TRIM67: variants seen among roughly 807,000 people sequenced by gnomAD.
The protein encoded by TRIM67 is tripartite motif containing 67, also known as tripartite motif-containing protein 67.
TRIM67 carries 39 observed loss-of-function variants against 71.0 expected under a neutral mutation model. The observed-to-expected ratio is 0.55, with a 90% CI of 0.43 to 0.72. The LOEUF (loss-of-function observed/expected upper bound fraction) is 0.72. Among genes scored for constraint, TRIM67 ranks in the 30% least tolerant of loss-of-function variants. The pLI is 0.00. For missense variants in TRIM67, 973 were observed against 1,079.2 expected, an observed-to-expected ratio of 0.90 and a Z score of 1.38; for synonymous variants, 481 against 473.9, an observed-to-expected ratio of 1.01 and a Z score of -0.19.
intron 1 of TRIM67, among the ~76,000 whole-genome samples, chr1:231,175,594 A>G (rs1488343027): frequency 6.6e-6 from 1 of 152,214 alleles, no homozygotes; most frequent in Non-Finnish European, 1.5e-5. Flanking sequence ...ATTACAGGAG[A>G]GGAGCCTTGA....
intron 1 of TRIM67, among the ~76,000 whole-genome samples, chr1:231,195,887 T>G (rs926184144): frequency 6.6e-6 from 1 of 152,196 alleles, no homozygotes. Flanking sequence ...AATCGCCCAG[T>G]GATGCTGATG....
Position 231,215,492 on chromosome 1 carries a change from C to A in TRIM67, c.*52C>A. The A allele has an allele frequency of 1.3e-6, 2 of 1,529,192 alleles. No individual in the cohort carries two copies. Among genetic ancestry groups the A allele is most frequent in the Non-Finnish European group, 8.8e-7 (1 of 1,130,252 alleles). The allele number at this position is 1,529,192 out of a possible 1,614,324, so 94.7% of individuals were successfully genotyped here. A position where few individuals can be genotyped will look rare whatever the true frequency, so the allele number is the denominator to read the frequency against. Reference sequence around the variant, plus strand: ...GTGACAGTGACATTCACAGGCAAAACGCCCACCATTCTCACTAAGCTCAAA... The same window carrying A: ...GTGACAGTGACATTCACAGGCAAAAAGCCCACCATTCTCACTAAGCTCAAA... On this transcript the variant is annotated 3_prime_UTR_variant, in exon 10 of 10. Coordinates refer to ENST00000366653, the MANE Select transcript of TRIM67 (RefSeq NM_001004342.5).
Position 231,220,697 on chromosome 1 carries a change from G to C in TRIM67, c.*5257G>C, listed in dbSNP as rs371360053. ...CCAGCACGAGCTATGCAGGTTGGGG[G>C]AGGCCCTGGCTTTTTCAATGATTGA... On this transcript the variant is annotated 3_prime_UTR_variant, in exon 10 of 10. Transcript: ENST00000366653. 2 of 152,434 alleles carry C rather than the reference G, an allele frequency of 1.3e-5. No individual in the cohort carries two copies. Among genetic ancestry groups the C allele is most frequent in the East Asian group, 1.9e-4 (1 of 5,182 alleles). The allele number at this position is 152,434 out of a possible 1,614,324, so 9.4% of individuals were successfully genotyped here.
rs1484869547 is a variant in TRIM67 at position 231,163,612 on chromosome 1, C to A, written c.643C>A (p.Pro215Thr). The A allele has an allele frequency of 5.3e-6, 8 of 1,518,230 alleles. No individual in the cohort carries two copies. Among genetic ancestry groups the A allele is most frequent in the Non-Finnish European group, 7.0e-6 (8 of 1,136,886 alleles). The allele number at this position is 1,518,230 out of a possible 1,614,324, so 94.0% of individuals were successfully genotyped here. ...VAICQLCDRT[P>T]PEPAATLCEQ... is the part of the protein sequence containing the mutation. ...CATCTGCCAGCTGTGCGACCGCACC[C>A]CGCCAGAGCCAGCAGCCACGCTCTG... The change falls in exon 1 of 10, where the codon CCG becomes ACG. Residue 215 changes from proline to threonine, a missense_variant. Transcript: ENST00000366653.
At chr1:231,192,859 C>T (rs1003597950) in intron 1 of TRIM67, among the ~76,000 whole-genome samples, 19 of 152,216 alleles carry the variant, frequency 1.2e-4, no homozygotes, top group South Asian at 4.1e-4. Context: ...AAGCAGTGTC[C>T]GCTGAACCGT....
chr1:231,186,267 G>A (rs977612933), intron 1 of TRIM67: 7 of 1,070,634 alleles, frequency 6.5e-6, no homozygotes, highest in Non-Finnish European at 9.6e-6. Context: ...CTTCCTGAAG[G>A]AGGAGCACAT....
At chr1:231,206,610 A>T in intron 6 of TRIM67, 42 bp from the exon 7 acceptor site, 2 of 1,502,760 alleles carry the variant, frequency 1.3e-6, no homozygotes, top group Non-Finnish European at 1.8e-6. Context: ...GGAGCTTTCC[A>T]AATGCTAGAG....
rs1194602167 is a variant in TRIM67 at position 231,216,823 on chromosome 1, G to A, written c.*1383G>A. The A allele has an allele frequency of 1.0e-6, 1 of 985,434 alleles. No homozygotes were observed. The highest frequency in any genetic ancestry group is 1.7e-5 in the African/African-American group (1 of 57,254). The allele number at this position is 985,434 out of a possible 1,614,324, so 61.0% of individuals were successfully genotyped here. ...CATGGCAGGGGTTTTGAGCCTGCCA[G>A]GCTCTTGTTCCCAGGGAACCCTTCC... On this transcript the variant is annotated 3_prime_UTR_variant, in exon 10 of 10. Transcript: ENST00000366653.
intron 1 of TRIM67, chr1:231,187,521 G>T (rs540512601): frequency 1.3e-6 from 2 of 1,531,112 alleles, no homozygotes; most frequent in Non-Finnish European, 1.7e-6. Flanking sequence ...CAATACCTTA[G>T]CACTGAGGGG....
Position 231,219,849 on chromosome 1 carries a change from C to T in TRIM67, c.*4409C>T. On this transcript the variant is annotated 3_prime_UTR_variant, in exon 10 of 10. Coordinates refer to ENST00000366653, the MANE Select transcript of TRIM67 (RefSeq NM_001004342.5). ...CCTCCCAGAAGATCAAAGGATCCTG[C>T]AGCTTTAACCTAATATCTAGGCTGT... The T allele has an allele frequency of 7.8e-7, 1 of 1,288,924 alleles. No individual in the cohort carries two copies. The highest frequency in any genetic ancestry group is 2.3e-5 in the Admixed American group (1 of 43,484). The allele number at this position is 1,288,924 out of a possible 1,614,324, so 79.8% of individuals were successfully genotyped here. A position where few individuals can be genotyped will look rare whatever the true frequency, so the allele number is the denominator to read the frequency against.
Position 231,217,002 on chromosome 1 carries a change from T to C in TRIM67, c.*1562T>C. On this transcript the variant is annotated 3_prime_UTR_variant, in exon 10 of 10. Transcript: ENST00000366653. ...GTCAATTTGCTGGACTGGATTTTTATAAAATTCGCCCATTCACCAGCACCA... is the reference window on the plus strand; with the variant it reads ...GTCAATTTGCTGGACTGGATTTTTACAAAATTCGCCCATTCACCAGCACCA... 1.0e-6 allele frequency: 1 copy of C among 985,882 alleles called. No homozygotes were observed. Among genetic ancestry groups the C allele is most frequent in the Non-Finnish European group, 1.2e-6 (1 of 829,940 alleles). The allele number at this position is 985,882 out of a possible 1,614,324, so 61.1% of individuals were successfully genotyped here.
intron 1 of TRIM67, among the ~76,000 whole-genome samples, chr1:231,171,810 C>T (rs754601240): frequency 2.4e-4 from 37 of 152,260 alleles, no homozygotes; most frequent in South Asian, 4.1e-4. Flanking sequence ...TGCAAAAAAA[C>T]AAGTCTGGGC....
intron 6 of TRIM67, 89 bp downstream of exon 6, chr1:231,204,101 C>T: frequency 1.3e-6 from 2 of 1,552,000 alleles, no homozygotes; most frequent in South Asian, 1.2e-5. Context: ...TGGTTCAGCC[C>T]ATGGGGACAT....
At chr1:231,164,289 G>A (rs1165014993) in intron 1 of TRIM67, among the ~76,000 whole-genome samples, 1 of 152,184 alleles carries the variant, frequency 6.6e-6, no homozygotes, top group African/African-American at 2.4e-5. Context: ...TAGGCACAGG[G>A]CACCCAAAAC....
chr1:231,200,609 A>C (rs1683493352), intron 4 of TRIM67, among the ~76,000 whole-genome samples: 1 of 152,196 alleles, frequency 6.6e-6, no homozygotes, highest in African/African-American at 2.4e-5. Flanking sequence ...CAATGTGCAG[A>C]GTCCTGCAGG....
At chr1:231,200,091 G>A in intron 3 of TRIM67, 57 bp from the exon 4 acceptor site, 7 of 1,349,480 alleles carry the variant, frequency 5.2e-6, no homozygotes, top group Non-Finnish European at 5.3e-6. Context: ...CTCTTGCGGT[G>A]GCCTGCCTGT....
chr1:231,180,345 A>G (rs922420610), intron 1 of TRIM67, among the ~76,000 whole-genome samples: 1 of 152,146 alleles, frequency 6.6e-6, no homozygotes, highest in Non-Finnish European at 1.5e-5. Context: ...TTATCTTATT[A>G]TCTCTTTAAG....
chr1:231,163,520 C>T lies in TRIM67; in HGVS notation c.551C>T (p.Ala184Val). Residue 184 changes from alanine to valine, a missense_variant, in exon 1 of 10, where the codon GCC becomes GTC. Ala to Val is a moderately conservative substitution (Grantham distance 64). This residue lies in a region of TRIM67 where 795 missense variants were observed against 831.3 expected (regional missense o/e 0.96). Transcript: ENST00000366653. ...TTCCAGCGCAACCGGCTGCTCGAGGCCATCGTGCAGCGGTACCAGCAGGGC... is the reference window on the plus strand; with the variant it reads ...TTCCAGCGCAACCGGCTGCTCGAGGTCATCGTGCAGCGGTACCAGCAGGGC... ...RGFQRNRLLE[A>V]IVQRYQQGRG... 2 of 1,517,160 alleles carry T rather than the reference C, an allele frequency of 1.3e-6. No homozygotes were observed. The highest frequency in any genetic ancestry group is 1.8e-6 in the Non-Finnish European group (2 of 1,138,382). 94.0% of individuals were successfully genotyped at this position (1,517,160 alleles called of 1,614,324 possible).
Position 231,163,518 on chromosome 1 carries a change from G to A in TRIM67, c.549G>A (p.Glu183=), listed in dbSNP as rs1321318422. 1 of 1,517,558 alleles carries A rather than the reference G, an allele frequency of 6.6e-7. No individual in the cohort carries two copies. The highest frequency in any genetic ancestry group is 1.4e-5 in the African/African-American group (1 of 69,946). The allele number at this position is 1,517,558 out of a possible 1,614,324, so 94.0% of individuals were successfully genotyped here. A position where few individuals can be genotyped will look rare whatever the true frequency, so the allele number is the denominator to read the frequency against. The change falls in exon 1 of 10, where the codon GAG becomes GAA. Residue 183 remains glutamate, a synonymous_variant. Transcript: ENST00000366653. ...GCTTCCAGCGCAACCGGCTGCTCGA[G>A]GCCATCGTGCAGCGGTACCAGCAGG... ...LRGFQRNRLL[E]AIVQRYQQGR...
Sources: gnomAD v4.1 joint callset for allele counts (sites outside exome capture counted in the v4.1 genomes callset) on GRCh38, gnomAD v4.1.1 for gene constraint, gnomAD v4.1.1 regional missense constraint, MANE v1.5 for transcripts, NCBI Gene and HGNC (gene_info 2026-07-23, HGNC 2026-07-21) for gene names.